The following ACTN1 variants were observed in gnomAD, a reference collection of about 807,000 sequenced individuals.
ACTN1 encodes the protein alpha-actinin-1.
ACTN1 carries 30 observed loss-of-function variants against 119.6 expected under a neutral mutation model. The ratio of observed to expected loss-of-function variants is 0.25; its 90% CI spans 0.19 to 0.34. ACTN1 has a LOEUF of 0.34. Ranked by LOEUF, ACTN1 falls within the 10% of genes least tolerant of loss-of-function variation. The pLI is 1.00. For missense variants in ACTN1, 764 were observed against 1,223.4 expected (o/e 0.62, Z 5.60); for synonymous variants, 429 against 472.6 (o/e 0.91, Z 1.20).
intron 3 of ACTN1, among the ~76,000 whole-genome samples, chr14:68,913,958 C>T (rs1409280052): frequency 2.6e-5 from 4 of 152,278 alleles, no homozygotes; most frequent in Non-Finnish European, 5.9e-5. Flanking sequence ...CACAGTGGCT[C>T]GAGCCTGTAC....
chr14:68,930,921 G>T (rs528891587), intron 1 of ACTN1, among the ~76,000 whole-genome samples: 6 of 152,358 alleles, frequency 3.9e-5, no homozygotes, highest in African/African-American at 1.4e-4. Context: ...AGCTAGAAGA[G>T]GTGTTAGGCA....
intron 3 of ACTN1, among the ~76,000 whole-genome samples, chr14:68,918,709 C>T (rs2034471652): frequency 6.6e-6 from 1 of 151,526 alleles, no homozygotes; most frequent in South Asian, 2.1e-4. Context: ...TCCTGGCTAG[C>T]ACAGTGAAAT....
rs1237889261 is a variant in ACTN1 at position 68,892,261 on chromosome 14, G to A, written c.878C>T (p.Thr293Ile). The change falls in exon 10 of 22, where the codon ACA (threonine) becomes ATA (isoleucine). Residue 293 changes from threonine to isoleucine, a missense_variant. Physicochemically the swap from Thr to Ile is moderately conservative, Grantham distance 89 (BLOSUM62 -1). This residue lies in a region of ACTN1 where 544 missense variants were observed against 912.0 expected (regional missense o/e 0.60). Coordinates refer to ENST00000394419, the MANE Select transcript of ACTN1 (RefSeq NM_001130004.2). ...ASDLLEWIRR[T>I]IPWLENRVPE... ...CACCCGGTTCTCCAGCCACGGGATT[G>A]TGCGGCGGATCCACTCCAACAGCTA... is the stretch of plus-strand genomic sequence containing the variant. 6.2e-7 allele frequency: 1 copy of A among 1,613,590 alleles called. No homozygotes were observed. The highest frequency in any genetic ancestry group is 2.2e-5 in the East Asian group (1 of 44,876).
intron 6 of ACTN1, among the ~76,000 whole-genome samples, chr14:68,907,959 T>C (rs2033767590): frequency 6.6e-6 from 1 of 151,712 alleles, no homozygotes; most frequent in Admixed American, 6.5e-5. Context: ...TATTCCCCCT[T>C]GGCCACGTTT....
intron 1 of ACTN1, among the ~76,000 whole-genome samples, chr14:68,944,120 G>A (rs929121964): frequency 2.0e-5 from 3 of 152,234 alleles, no homozygotes; most frequent in Admixed American, 2.0e-4. Flanking sequence ...GGAGGCTGTG[G>A]ACCTGCTGGC....
intron 3 of ACTN1, among the ~76,000 whole-genome samples, chr14:68,919,661 A>G (rs925789005): frequency 3.3e-5 from 5 of 152,230 alleles, no homozygotes; most frequent in Non-Finnish European, 5.9e-5. Context: ...GCTGGAATCC[A>G]TAAGGCACCT....
chr14:68,904,579 T>C (rs916536643), intron 7 of ACTN1, 76 bp downstream of exon 7: 8 of 1,391,666 alleles, frequency 5.7e-6, no homozygotes, highest in Admixed American at 5.1e-5. Context: ...CCCGGACTGC[T>C]GGGGTCCACC....
At chr14:68,968,891 C>A (rs192509176) in intron 1 of ACTN1, among the ~76,000 whole-genome samples, 2 of 152,350 alleles carry the variant, frequency 1.3e-5, no homozygotes, top group African/African-American at 2.4e-5. Flanking sequence ...GGCAGCGGGA[C>A]GCAGGGATGC....
intron 1 of ACTN1, among the ~76,000 whole-genome samples, chr14:68,976,904 C>T (rs1001838826): frequency 6.6e-6 from 1 of 152,242 alleles, no homozygotes; most frequent in African/African-American, 2.4e-5. Flanking sequence ...GCCCAAAGGC[C>T]TGGGGCACAC....
chr14:68,930,639 A>T (rs560647311), intron 1 of ACTN1, among the ~76,000 whole-genome samples: 12 of 152,182 alleles, frequency 7.9e-5, no homozygotes, highest in Non-Finnish European at 1.8e-4. Flanking sequence ...CACTCTAAAG[A>T]AGACTGCAAA....
intron 1 of ACTN1, among the ~76,000 whole-genome samples, chr14:68,934,409 T>C (rs1026783807): frequency 7.9e-5 from 12 of 152,266 alleles, no homozygotes; most frequent in African/African-American, 2.9e-4. Flanking sequence ...GCTGCCATGC[T>C]TGTGAATTTT....
At chr14:68,939,533 C>A (rs2035692739) in intron 1 of ACTN1, among the ~76,000 whole-genome samples, 1 of 152,186 alleles carries the variant, frequency 6.6e-6, no homozygotes, top group African/African-American at 2.4e-5. Flanking sequence ...GCTCAGTCTG[C>A]TACCAGACGC....
rs2030625883 is a variant in ACTN1 at position 68,874,632 on chromosome 14, A to G, written c.*227T>C. 1 of 392,308 alleles carries G rather than the reference A, an allele frequency of 2.5e-6. No individual in the cohort carries two copies. The highest frequency in any genetic ancestry group is 4.5e-6 in the Non-Finnish European group (1 of 224,644). 24.3% of individuals were successfully genotyped at this position (392,308 alleles called of 1,614,324 possible). On this transcript the variant is annotated 3_prime_UTR_variant, in exon 22 of 22. Coordinates refer to ENST00000394419, the MANE Select transcript of ACTN1 (RefSeq NM_001130004.2). The stretch of plus-strand genomic sequence containing the variant: ...GGTGGAGAAAAAATACTTTTTCTAT[A>G]ATAAAATATGTAGTTTTTTGGTTTT...
At chr14:68,923,956 G>A (rs768513553) in intron 2 of ACTN1, among the ~76,000 whole-genome samples, 3 of 152,174 alleles carry the variant, frequency 2.0e-5, no homozygotes, top group Non-Finnish European at 2.9e-5. Context: ...AAGGGATGGC[G>A]GCACATGCTC....
At position 68,927,744 on chromosome 14, in the gene ACTN1, AG is replaced by A. The variant is rs1442636394; in HGVS notation, c.106-2073del. Among the ~76,000 whole-genome samples the A allele has an allele frequency of 2.6e-5, 4 of 152,330 alleles. No individual in the cohort carries two copies. In the East Asian group the frequency reaches 7.7e-4, roughly 29 times the overall value. ...CACTGCAGGAGATGAGAGGGCCTTT[AG>A]CCTTTATCCTTATTTTAACTTCTTT... On this transcript the variant is annotated intron_variant, in intron 1 of 21. Transcript: ENST00000394419.
At chr14:68,978,917 G>T in intron 1 of ACTN1, 35 bp downstream of exon 1, 1 of 1,429,030 alleles carries the variant, frequency 7.0e-7, no homozygotes, top group South Asian at 1.3e-5. Context: ...GGGGCTGGGG[G>T]CTGGGGGCTG....
chr14:68,888,089 G>A, intron 11 of ACTN1: 1 of 682,366 alleles, frequency 1.5e-6, no homozygotes, highest in East Asian at 2.8e-5. Flanking sequence ...GGGCATCCTG[G>A]CGGCAGGGAG....
chr14:68,914,763 C>T (rs374002955), intron 3 of ACTN1, among the ~76,000 whole-genome samples: 11 of 152,144 alleles, frequency 7.2e-5, no homozygotes, highest in Middle Eastern at 3.4e-3. Context: ...AAGTTGAGAC[C>T]CTGTCTCTTA....
At chr14:68,876,716 T>A (rs977306315) in intron 21 of ACTN1, among the ~76,000 whole-genome samples, 2 of 152,108 alleles carry the variant, frequency 1.3e-5, no homozygotes, top group African/African-American at 4.8e-5. Flanking sequence ...CCCATTATAG[T>A]CCGTGCCGAT....
Sources: allele counts gnomAD v4.1 joint callset (sites outside exome capture counted in the v4.1 genomes callset), GRCh38; gene constraint gnomAD v4.1.1; regional missense constraint gnomAD v4.1.1; transcripts MANE v1.5; gene names NCBI Gene and HGNC (gene_info 2026-07-23, HGNC 2026-07-21).